BABAM2: variants seen among roughly 807,000 people sequenced by gnomAD.
The protein encoded by BABAM2 is BRISC and BRCA1-A complex member 2.
A neutral mutation model predicts 54.7 loss-of-function variants in BABAM2; 31 were observed. The observed-to-expected ratio is 0.57, with a 90% confidence interval of 0.43 to 0.77. The LOEUF is 0.77. Among genes scored for constraint, BABAM2 ranks in the 30% least tolerant of loss-of-function variants. The probability of loss-of-function intolerance (pLI) is 0.00; values close to 1 mark genes in which losing one functional copy is unlikely to be tolerated. For missense variants in BABAM2, 364 were observed against 455.8 expected (o/e 0.80, Z 1.83); for synonymous variants, 167 against 162.9 (o/e 1.03, Z -0.19).
chr2:28,023,041 T>C (rs182381345), intron 4 of BABAM2, among the ~76,000 whole-genome samples: 3 of 152,252 alleles, frequency 2.0e-5, no homozygotes, highest in African/African-American at 4.8e-5. Flanking sequence ...CCATCCTTGA[T>C]TGGGAGTGTT....
At chr2:28,055,237 G>T (rs890746225) in intron 6 of BABAM2, among the ~76,000 whole-genome samples, 1 of 152,154 alleles carries the variant, frequency 6.6e-6, no homozygotes, top group Non-Finnish European at 1.5e-5. Flanking sequence ...ACAAAAAAGG[G>T]AGAAATAGCC....
intron 10 of BABAM2, among the ~76,000 whole-genome samples, chr2:28,287,025 A>G (rs1241809894): frequency 6.6e-6 from 1 of 152,086 alleles, no homozygotes; most frequent in Non-Finnish European, 1.5e-5. Context: ...TAGTCACAAT[A>G]TTCCCAAATT....
chr2:28,167,586 A>G (rs1020793271), intron 7 of BABAM2, among the ~76,000 whole-genome samples: 1 of 151,648 alleles, frequency 6.6e-6, no homozygotes, highest in African/African-American at 2.4e-5. Context: ...TCCAGCTACT[A>G]GGGAGTCTGA....
At chr2:28,053,638 G>A (rs956470919) in intron 6 of BABAM2, among the ~76,000 whole-genome samples, 6 of 152,214 alleles carry the variant, frequency 3.9e-5, no homozygotes, top group African/African-American at 1.4e-4. Flanking sequence ...TTATTAAGCA[G>A]TGGACCCATG....
chr2:28,183,739 T>TCACACACACACACACACACACACA (rs1286120518), intron 7 of BABAM2, among the ~76,000 whole-genome samples: 19 of 133,118 alleles, frequency 1.4e-4, no homozygotes, highest in African/African-American at 4.3e-4. Flanking sequence ...TGGATGAAGA[T>TCACACACACACACACACACACACA]CACACACACA....
At chr2:27,997,757 A>G (rs1673271130) in intron 4 of BABAM2, among the ~76,000 whole-genome samples, 1 of 152,216 alleles carries the variant, frequency 6.6e-6, no homozygotes, top group South Asian at 2.1e-4. Flanking sequence ...CAAATATAAC[A>G]TTTAGCAGAT....
intron 6 of BABAM2, among the ~76,000 whole-genome samples, chr2:28,112,477 G>A (rs974794870): frequency 1.3e-5 from 2 of 151,760 alleles, no homozygotes; most frequent in East Asian, 3.9e-4. Flanking sequence ...CTGTTCTTGT[G>A]TTAGTTTGCT....
intron 11 of BABAM2, among the ~76,000 whole-genome samples, chr2:28,324,601 C>T (rs1158944850): frequency 1.3e-5 from 2 of 150,590 alleles, no homozygotes; most frequent in Non-Finnish European, 3.0e-5. Flanking sequence ...TAGTGAGACC[C>T]GTAACATAGC....
At chr2:27,975,704 G>T (rs1671548041) in intron 3 of BABAM2, among the ~76,000 whole-genome samples, 1 of 151,378 alleles carries the variant, frequency 6.6e-6, no homozygotes, top group African/African-American at 2.4e-5. Context: ...TGATAAATTG[G>T]ATTTCACTGA....
chr2:28,279,885 G>A (rs961611412), intron 10 of BABAM2, among the ~76,000 whole-genome samples: 1 of 151,566 alleles, frequency 6.6e-6, no homozygotes, highest in Non-Finnish European at 1.5e-5. Flanking sequence ...AGGCTGATCC[G>A]AAGCTCCTGA....
intron 3 of BABAM2, among the ~76,000 whole-genome samples, chr2:27,982,934 G>A (rs958493377): frequency 2.0e-5 from 3 of 151,358 alleles, no homozygotes; most frequent in African/African-American, 7.3e-5. Flanking sequence ...CAATTGGGTT[G>A]CTTCTACTCT....
At chr2:28,167,697 AAAATAAATAAAT>A (rs141764622) in intron 7 of BABAM2, among the ~76,000 whole-genome samples, 20 of 145,326 alleles carry the variant, frequency 1.4e-4, no homozygotes, top group African/African-American at 3.0e-4. Context: ...CCATCTCAAA[AAAATAAATAAAT>A]AAATAAATAA....
chr2:28,166,825 A>T (rs1673730027), intron 7 of BABAM2, among the ~76,000 whole-genome samples: 1 of 152,122 alleles, frequency 6.6e-6, no homozygotes, highest in African/African-American at 2.4e-5. Context: ...CCTCATAACG[A>T]ATGCCTTCAT....
intron 7 of BABAM2, among the ~76,000 whole-genome samples, chr2:28,137,512 G>T (rs974795691): frequency 6.6e-6 from 1 of 152,146 alleles, no homozygotes; most frequent in Non-Finnish European, 1.5e-5. Context: ...TAGTGAGTTT[G>T]GCCTTTTGTC....
intron 4 of BABAM2, among the ~76,000 whole-genome samples, chr2:28,019,114 TCC>T (rs749037061): frequency 6.6e-6 from 1 of 152,286 alleles, no homozygotes. Context: ...GATTTTCTGT[TCC>T]TCTGTTAGCT....
At chr2:28,318,527 G>T (rs911436508) in intron 11 of BABAM2, among the ~76,000 whole-genome samples, 3 of 152,148 alleles carry the variant, frequency 2.0e-5, no homozygotes, top group African/African-American at 4.8e-5. Context: ...TATGACTCTT[G>T]AACTTGAGGC....
chr2:28,312,881 A>G (rs757187003), intron 11 of BABAM2, among the ~76,000 whole-genome samples: 1 of 152,254 alleles, frequency 6.6e-6, no homozygotes, highest in Non-Finnish European at 1.5e-5. Flanking sequence ...CTTTCAGTTC[A>G]TCATTTTCAT....
At chr2:28,229,931 T>C (rs772447341) in intron 7 of BABAM2, among the ~76,000 whole-genome samples, 4 of 152,202 alleles carry the variant, frequency 2.6e-5, no homozygotes, top group Non-Finnish European at 5.9e-5. Flanking sequence ...TTTTTAAAGT[T>C]ATTTAACTTA....
At chr2:28,279,196 C>T (rs1686133945) in intron 10 of BABAM2, among the ~76,000 whole-genome samples, 1 of 152,080 alleles carries the variant, frequency 6.6e-6, no homozygotes, top group South Asian at 2.1e-4. Flanking sequence ...CCCCTTGGAG[C>T]CACTGAGGAG....
Sources: allele counts gnomAD v4.1 joint callset (sites outside exome capture counted in the v4.1 genomes callset), GRCh38; gene constraint gnomAD v4.1.1; transcripts MANE v1.5; gene names NCBI Gene and HGNC (gene_info 2026-07-23, HGNC 2026-07-21).